AGBL4: variants seen among roughly 807,000 people sequenced by gnomAD.
AGBL4 encodes cytosolic carboxypeptidase 6.
In AGBL4, 58 loss-of-function variants were observed where a neutral mutation model predicts 66.4. The ratio of observed to expected loss-of-function variants is 0.87; its 90% confidence interval spans 0.71 to 1.09. The LOEUF (loss-of-function observed/expected upper bound fraction) is 1.09. Among genes scored for constraint, AGBL4 ranks in the 50% least tolerant of loss-of-function variants. The pLI, the probability that AGBL4 is intolerant of heterozygous loss-of-function variation, is 0.00. For missense variants in AGBL4, 579 were observed against 631.0 expected (o/e 0.92, Z 0.88); for synonymous variants, 234 against 222.9 (o/e 1.05, Z -0.44).
Position 49,519,869 on chromosome 1 carries a change from T to C in AGBL4, c.282+177444A>G, listed in dbSNP as rs191664165. Among the ~76,000 whole-genome samples, 184 of 152,274 alleles carry C rather than the reference T, an allele frequency of 1.2e-3. 1 individual carries two copies. The highest frequency in any genetic ancestry group is 6.8e-3 in the Middle Eastern group (2 of 294). ...GTAGGGAGTGAGGCATAGAGTGCTG[T>C]AGAACTGACAATTTCATAAATTAGA... On this transcript the variant is annotated intron_variant, in intron 3 of 13. Coordinates refer to ENST00000371839, the MANE Select transcript of AGBL4 (RefSeq NM_032785.4).
intron 3 of AGBL4, among the ~76,000 whole-genome samples, chr1:49,437,087 T>C (rs1431075383): frequency 1.3e-5 from 2 of 152,082 alleles, no homozygotes; most frequent in East Asian, 3.9e-4. Flanking sequence ...CAGGGTTGGG[T>C]ATCAGAGTCT....
At chr1:49,611,808 T>C (rs948432783) in intron 3 of AGBL4, among the ~76,000 whole-genome samples, 1 of 152,152 alleles carries the variant, frequency 6.6e-6, no homozygotes, top group Non-Finnish European at 1.5e-5. Context: ...AGGAAGAAAA[T>C]ACATTGTTCA....
intron 3 of AGBL4, among the ~76,000 whole-genome samples, chr1:49,618,735 A>G (rs1645299237): frequency 6.6e-6 from 1 of 152,222 alleles, no homozygotes; most frequent in African/African-American, 2.4e-5. Flanking sequence ...AATACTGGCA[A>G]ATCAAATCCA....
rs1289678585 is a variant in AGBL4 at position 50,023,953 on chromosome 1, C to T, written c.-157G>A. 2.6e-6 allele frequency: 2 copies of T among 755,420 alleles called. No individual in the cohort carries two copies. Among genetic ancestry groups the T allele is most frequent in the South Asian group, 2.4e-5 (1 of 41,812 alleles). The allele number at this position is 755,420 out of a possible 1,614,324, so 46.8% of individuals were successfully genotyped here. Reference sequence around the variant, plus strand: ...AGGCGCGCGGGTGGCCGGCGCGCGGCTGAGGGCGGGAGGGACGCCTGGGAG... The same window carrying T: ...AGGCGCGCGGGTGGCCGGCGCGCGGTTGAGGGCGGGAGGGACGCCTGGGAG... On this transcript the variant is annotated 5_prime_UTR_variant, in exon 1 of 14. Coordinates refer to ENST00000371839, the MANE Select transcript of AGBL4 (RefSeq NM_032785.4).
At chr1:49,164,709 C>T (rs540713603) in intron 4 of AGBL4, among the ~76,000 whole-genome samples, 1 of 152,272 alleles carries the variant, frequency 6.6e-6, no homozygotes, top group African/African-American at 2.4e-5. Flanking sequence ...ATTTTGTCAT[C>T]TGTTGCCTAT....
chr1:49,080,395 T>G (rs1454721881), intron 4 of AGBL4, among the ~76,000 whole-genome samples: 1 of 151,986 alleles, frequency 6.6e-6, no homozygotes, highest in Non-Finnish European at 1.5e-5. Context: ...AGCTGAGGCG[T>G]CACTTTATAT....
chr1:48,886,003 G>A (rs185522017), intron 5 of AGBL4, among the ~76,000 whole-genome samples: 22 of 152,246 alleles, frequency 1.4e-4, no homozygotes, highest in African/African-American at 5.1e-4. Flanking sequence ...CAGGACCCAC[G>A]AGCTCCCTTT....
At chr1:49,548,603 T>C (rs910172872) in intron 3 of AGBL4, among the ~76,000 whole-genome samples, 2 of 152,246 alleles carry the variant, frequency 1.3e-5, no homozygotes, top group African/African-American at 2.4e-5. Flanking sequence ...TGTTAAACCA[T>C]GCCTGAATCC....
At chr1:49,230,289 T>C (rs1177032124) in intron 4 of AGBL4, among the ~76,000 whole-genome samples, 1 of 152,224 alleles carries the variant, frequency 6.6e-6, no homozygotes, top group East Asian at 1.9e-4. Context: ...CTCCAAAATC[T>C]GAAAATCTAT....
intron 6 of AGBL4, among the ~76,000 whole-genome samples, chr1:48,818,802 C>A (rs77692437): frequency 0.031 from 4,728 of 151,926 alleles, 128 homozygotes; most frequent in Non-Finnish European, 0.049. Context: ...ATCAATATAG[C>A]AACGGTGATA....
chr1:49,243,842 G>A (rs1224183852), intron 4 of AGBL4, among the ~76,000 whole-genome samples: 4 of 151,778 alleles, frequency 2.6e-5, no homozygotes, highest in Non-Finnish European at 5.9e-5. Context: ...GGTACCTTAT[G>A]CCTAAGTGGC....
Position 48,663,361 on chromosome 1 carries a change from C to T in AGBL4, c.635-120G>A, listed in dbSNP as rs1646137797. The T allele has an allele frequency of 5.7e-6, 5 of 872,166 alleles. No homozygotes were observed. The South Asian group carries it at 7.3e-5, about 13-fold the overall frequency. 54.0% of individuals were successfully genotyped at this position (872,166 alleles called of 1,614,324 possible). ...GGATGTTTTACATTTACCTCTTAAA[C>T]CACTGGGTTAGAATCATTAAGGTCC... On this transcript the variant is annotated intron_variant, in intron 6 of 13. Coordinates refer to ENST00000371839, the MANE Select transcript of AGBL4 (RefSeq NM_032785.4).
intron 9 of AGBL4, among the ~76,000 whole-genome samples, chr1:48,599,188 T>C (rs1384584818): frequency 1.3e-5 from 2 of 152,218 alleles, no homozygotes; most frequent in Non-Finnish European, 2.9e-5. Context: ...GAACACTTCC[T>C]GAAGGACTTG....
chr1:49,869,830 A>G (rs905734505), intron 1 of AGBL4, among the ~76,000 whole-genome samples: 6 of 152,196 alleles, frequency 3.9e-5, no homozygotes, highest in African/African-American at 7.2e-5. Flanking sequence ...GAAGGGGGAT[A>G]AGGGGATGAA....
intron 4 of AGBL4, among the ~76,000 whole-genome samples, chr1:49,156,549 G>T (rs1216814379): frequency 1.3e-5 from 2 of 152,098 alleles, no homozygotes; most frequent in East Asian, 3.9e-4. Context: ...TGGAGCTAGA[G>T]GAACTGCTTC....
chr1:49,063,963 G>A (rs1233434987), intron 4 of AGBL4, among the ~76,000 whole-genome samples: 1 of 152,304 alleles, frequency 6.6e-6, no homozygotes, highest in Middle Eastern at 3.4e-3. Flanking sequence ...AGGCTAACAG[G>A]TCTGGTTTTG....
intron 3 of AGBL4, among the ~76,000 whole-genome samples, chr1:49,470,687 T>C (rs1646724330): frequency 6.6e-6 from 1 of 151,992 alleles, no homozygotes; most frequent in South Asian, 2.1e-4. Context: ...CCCCTTCCCA[T>C]GGCAATAATC....
intron 5 of AGBL4, among the ~76,000 whole-genome samples, chr1:48,867,871 C>A (rs1161992527): frequency 6.6e-6 from 1 of 152,198 alleles, no homozygotes; most frequent in Non-Finnish European, 1.5e-5. Flanking sequence ...AGGGATGAGG[C>A]AGCTTATGTT....
chr1:49,508,511 AC>A (rs1648898707), intron 3 of AGBL4, among the ~76,000 whole-genome samples: 1 of 152,086 alleles, frequency 6.6e-6, no homozygotes, highest in East Asian at 1.9e-4. Context: ...CTGAGGGCCC[AC>A]GCAGAGGACA....
Sources: gnomAD v4.1 joint callset for allele counts (sites outside exome capture counted in the v4.1 genomes callset) on GRCh38, gnomAD v4.1.1 for gene constraint, MANE v1.5 for transcripts, NCBI Gene and HGNC (gene_info 2026-07-23, HGNC 2026-07-21) for gene names.